The following DARS1 variants were observed in gnomAD, a reference collection of about 807,000 sequenced individuals.
DARS1 encodes aspartate--tRNA ligase, cytoplasmic.
DARS1 carries 51 observed loss-of-function variants against 68.8 expected under a neutral mutation model. That is an observed-to-expected ratio of 0.74 (90% CI 0.59 to 0.94). DARS1 has a LOEUF of 0.94. Ranked by LOEUF, DARS1 falls within the 40% of genes least tolerant of loss-of-function variation. The probability of loss-of-function intolerance (pLI) is 0.00; values close to 1 mark genes in which losing one functional copy is unlikely to be tolerated. For synonymous variants in DARS1, 203 were observed against 190.4 expected, an observed-to-expected ratio of 1.07 and a Z score of -0.55; for missense variants, 607 against 597.3, an observed-to-expected ratio of 1.02 and a Z score of -0.17.
In DARS1 at chr2:135,924,510, T is replaced by C. The variant is rs755036524; in HGVS notation, c.565-12A>G. 1 of 1,595,354 alleles carries C rather than the reference T, an allele frequency of 6.3e-7. No individual in the cohort carries two copies. Among genetic ancestry groups the C allele is most frequent in the Non-Finnish European group, 8.5e-7 (1 of 1,174,200 alleles). On this transcript the variant is annotated splice_polypyrimidine_tract_variant and intron_variant, in intron 7 of 15. Transcript: ENST00000264161. ...TGACTAGTTGATGTCTAGAAGACAG[T>C]AATAAAATCTAATTAAATCAACGTA...
chr2:135,944,796 T>C (rs1254758886), intron 4 of DARS1, among the ~76,000 whole-genome samples: 1 of 152,206 alleles, frequency 6.6e-6, no homozygotes, highest in Admixed American at 6.5e-5. Context: ...ACTTGCAATC[T>C]AGTGTCACTG....
At chr2:135,953,443 T>C (rs1206679430) in intron 4 of DARS1, among the ~76,000 whole-genome samples, 1 of 152,228 alleles carries the variant, frequency 6.6e-6, no homozygotes, top group African/African-American at 2.4e-5. Flanking sequence ...AGCTGCTTTT[T>C]TGAGTGACTT....
rs1307750939 is a variant in DARS1, at chr2:135,907,309, T to C, written c.*7A>G. ...TCCACACTGGAGTTAAGTGGCAAAG[T>C]GTGAATTTAAGGAGTGAGTCGTTTG... On this transcript the variant is annotated 3_prime_UTR_variant, in exon 16 of 16. Coordinates refer to ENST00000264161, the MANE Select transcript of DARS1 (RefSeq NM_001349.4). The C allele has an allele frequency of 6.4e-7, 1 of 1,569,884 alleles. No individual in the cohort carries two copies. Among genetic ancestry groups the C allele is most frequent in the African/African-American group, 1.4e-5 (1 of 70,682 alleles).
intron 15 of DARS1, among the ~76,000 whole-genome samples, chr2:135,909,475 T>A (rs1041751426): frequency 6.6e-6 from 1 of 152,232 alleles, no homozygotes; most frequent in Non-Finnish European, 1.5e-5. Flanking sequence ...TGCATACCTA[T>A]ATTTTTTGTG....
chr2:135,907,825 A>C (rs1680821132), intron 15 of DARS1, among the ~76,000 whole-genome samples: 1 of 152,242 alleles, frequency 6.6e-6, no homozygotes. Flanking sequence ...GAGAAAATTT[A>C]CTGTTAATTT....
chr2:135,907,469 A>G lies in DARS1; in HGVS notation c.1415-62T>C, dbSNP rs991391530. The G allele has an allele frequency of 9.4e-6, 10 of 1,068,886 alleles. No individual in the cohort carries two copies. The African/African-American group carries it at 1.6e-4, about 17-fold the overall frequency. The allele number at this position is 1,068,886 out of a possible 1,614,324, so 66.2% of individuals were successfully genotyped here. ...AAAATCTCTCAGGGTCTTACTTAGA[A>G]CTACAAACATAAATGTAATCGTTAA... is the stretch of plus-strand genomic sequence containing the variant. On this transcript the variant is annotated intron_variant, in intron 15 of 15. Transcript: ENST00000264161.
chr2:135,940,140 C>A (rs1220866020), intron 5 of DARS1, among the ~76,000 whole-genome samples: 3 of 152,186 alleles, frequency 2.0e-5, no homozygotes, highest in Non-Finnish European at 1.5e-5. Context: ...AAGAGGGAAT[C>A]CTCCCTAACT....
chr2:135,923,677 A>T (rs1681153473), intron 8 of DARS1, among the ~76,000 whole-genome samples: 1 of 152,212 alleles, frequency 6.6e-6, no homozygotes, highest in Admixed American at 6.5e-5. Flanking sequence ...TTCTAGTGTT[A>T]AACAAATCTA....
At chr2:135,953,809 T>C (rs1168547510) in intron 4 of DARS1, among the ~76,000 whole-genome samples, 2 of 152,182 alleles carry the variant, frequency 1.3e-5, no homozygotes, top group East Asian at 3.8e-4. Context: ...TGGTTAAAAA[T>C]AAATTCCTCC....
Position 135,958,973 on chromosome 2 carries a change from T to TA in DARS1, c.320+2422dup, listed in dbSNP as rs985325503. On this transcript the variant is annotated intron_variant, in intron 4 of 15. Transcript: ENST00000264161. ...TAAAAATAGCTGCATGTCCTTTGCTTAAAAAAAAAAAAATCAAGTCACAAT... is the reference window on the plus strand; with the variant it reads ...TAAAAATAGCTGCATGTCCTTTGCTTAAAAAAAAAAAAAATCAAGTCACAAT... Among the ~76,000 whole-genome samples, 260 of 144,696 alleles carry TA rather than the reference T, an allele frequency of 1.8e-3. 1 individual carries two copies. Among genetic ancestry groups the TA allele is most frequent in the African/African-American group, 2.3e-3 (93 of 39,644 alleles). 94.9% of individuals were successfully genotyped at this position (144,696 alleles called of 152,430 possible).
At chr2:135,940,497 A>G (rs1681571513) in intron 5 of DARS1, among the ~76,000 whole-genome samples, 1 of 152,242 alleles carries the variant, frequency 6.6e-6, no homozygotes, top group African/African-American at 2.4e-5. Context: ...CTAGGTATAG[A>G]TGAGACGTAT....
intron 1 of DARS1, 75 bp from the exon 2 acceptor site, chr2:135,983,529 A>C (rs1171228494): frequency 6.5e-6 from 4 of 611,164 alleles, no homozygotes; most frequent in African/African-American, 1.9e-5. Flanking sequence ...AATACTAATA[A>C]TAGAATATAA....
In DARS1 at chr2:135,906,674, A is replaced by C. The variant is rs1454450712; in HGVS notation, c.*642T>G. The C allele has an allele frequency of 1.3e-5, 2 of 152,210 alleles. No individual in the cohort carries two copies. Among genetic ancestry groups the C allele is most frequent in the East Asian group, 3.8e-4 (2 of 5,204 alleles). 9.4% of individuals were successfully genotyped at this position (152,210 alleles called of 1,614,324 possible). ...TCAGTTGGCCACAAAGTTACACAAA[A>C]ACTACAATTAGCTTTAAAATTTTAT... is the stretch of plus-strand genomic sequence containing the variant. On this transcript the variant is annotated 3_prime_UTR_variant, in exon 16 of 16. Transcript: ENST00000264161.
intron 3 of DARS1, among the ~76,000 whole-genome samples, chr2:135,976,647 A>G (rs1426151000): frequency 6.6e-6 from 1 of 152,174 alleles, no homozygotes; most frequent in Non-Finnish European, 1.5e-5. Flanking sequence ...CAGGAAGAAC[A>G]TTCTCAAATC....
At chr2:135,977,222 T>G (rs981834593) in intron 3 of DARS1, among the ~76,000 whole-genome samples, 12 of 152,234 alleles carry the variant, frequency 7.9e-5, no homozygotes, top group African/African-American at 2.9e-4. Flanking sequence ...TCTTATAAGC[T>G]AGGTATTAAT....
At chr2:135,976,782 CAA>C (rs10598545) in intron 3 of DARS1, among the ~76,000 whole-genome samples, 2,962 of 104,486 alleles carry the variant, frequency 0.028, 93 homozygotes, top group African/African-American at 0.086. Context: ...GCAAATATTC[CAA>C]AAAAAAAAAA....
At chr2:135,927,305 T>C (rs1269624891) in intron 7 of DARS1, among the ~76,000 whole-genome samples, 1 of 152,154 alleles carries the variant, frequency 6.6e-6, no homozygotes, top group South Asian at 2.1e-4. Flanking sequence ...TTCTAAACTA[T>C]AGTACATAAA....
chr2:135,908,266 T>A (rs1415431697), intron 15 of DARS1, among the ~76,000 whole-genome samples: 1 of 152,194 alleles, frequency 6.6e-6, no homozygotes, highest in Non-Finnish European at 1.5e-5. Flanking sequence ...CTATTCTTTT[T>A]CCTCCTCCAA....
intron 7 of DARS1, among the ~76,000 whole-genome samples, chr2:135,926,997 T>C (rs892648013): frequency 1.3e-5 from 2 of 152,206 alleles, no homozygotes; most frequent in African/African-American, 4.8e-5. Context: ...AACAACACAA[T>C]ATAGTTAAAA....
Sources: gnomAD v4.1 joint callset for allele counts (sites outside exome capture counted in the v4.1 genomes callset) on GRCh38, gnomAD v4.1.1 for gene constraint, MANE v1.5 for transcripts, NCBI Gene and HGNC (gene_info 2026-07-23, HGNC 2026-07-21) for gene names.